ATP2B2: variants seen among roughly 807,000 people sequenced by gnomAD.
ATP2B2 encodes the protein plasma membrane calcium-transporting ATPase 2.
Under a neutral mutation model 120.0 loss-of-function variants are expected in ATP2B2, and 15 were observed. The observed-to-expected ratio is 0.12, with a 90% CI of 0.08 to 0.19. ATP2B2 has a LOEUF of 0.19. ATP2B2 is among the 10% of genes least tolerant of loss of function. ATP2B2 has a pLI of 1.00. For missense variants in ATP2B2, 1,045 were observed against 1,719.8 expected (o/e 0.61, Z 6.94); for synonymous variants, 694 against 700.3 (o/e 0.99, Z 0.14).
intron 16 of ATP2B2, among the ~76,000 whole-genome samples, chr3:10,349,802 G>A (rs532294927): frequency 1.3e-5 from 2 of 152,254 alleles, no homozygotes; most frequent in South Asian, 2.1e-4. Context: ...GCGCTGTACC[G>A]GCCACATAGA....
intron 1 of ATP2B2, among the ~76,000 whole-genome samples, chr3:10,642,188 C>A (rs1435282812): frequency 6.6e-6 from 1 of 152,186 alleles, no homozygotes; most frequent in East Asian, 1.9e-4. Flanking sequence ...GCAAAGTAGT[C>A]AACTTCCCTG....
intron 1 of ATP2B2, among the ~76,000 whole-genome samples, chr3:10,456,052 TAAA>T (rs553708079): frequency 6.6e-6 from 1 of 151,954 alleles, no homozygotes; most frequent in Non-Finnish European, 1.5e-5. Context: ...GGTGCCTTAA[TAAA>T]AAGTCTTTGC....
chr3:10,690,476 C>CTATCTATCTATATATA (rs557043167), intron 1 of ATP2B2, among the ~76,000 whole-genome samples: 3 of 150,452 alleles, frequency 2.0e-5, no homozygotes, highest in Admixed American at 6.6e-5. Flanking sequence ...ATCTATCTAT[C>CTATCTATCTATATATA]TATATATCTC....
chr3:10,503,489 G>A (rs1044914241), intron 1 of ATP2B2, among the ~76,000 whole-genome samples: 2 of 152,238 alleles, frequency 1.3e-5, no homozygotes, highest in Admixed American at 1.3e-4. Context: ...AGGCTGTGGC[G>A]GGCACTTAGG....
At chr3:10,331,455 AC>A (rs1361816972) in intron 22 of ATP2B2, among the ~76,000 whole-genome samples, 1 of 152,076 alleles carries the variant, frequency 6.6e-6, no homozygotes, top group East Asian at 1.9e-4. Context: ...TGGTGGCAGG[AC>A]CCTGTCATGT....
At chr3:10,332,149 C>T (rs979967771) in intron 22 of ATP2B2, 30 of 884,120 alleles carry the variant, frequency 3.4e-5, no homozygotes, top group East Asian at 1.1e-4. Flanking sequence ...GTTACCAAAA[C>T]GCTAATGAGA....
At chr3:10,619,454 G>C (rs1011115378) in intron 2 of ATP2B2, among the ~76,000 whole-genome samples, 1 of 152,206 alleles carries the variant, frequency 6.6e-6, no homozygotes, top group Non-Finnish European at 1.5e-5. Context: ...ATCTGATGGC[G>C]TTAAAAGATA....
At chr3:10,623,677 T>C (rs1305607465) in intron 1 of ATP2B2, among the ~76,000 whole-genome samples, 1 of 152,214 alleles carries the variant, frequency 6.6e-6, no homozygotes, top group Non-Finnish European at 1.5e-5. Flanking sequence ...GAGGTTCCAG[T>C]ATGTACCTGG....
chr3:10,587,744 T>G (rs534721409), intron 2 of ATP2B2, among the ~76,000 whole-genome samples: 91 of 104,614 alleles, frequency 8.7e-4, no homozygotes, highest in Non-Finnish European at 1.2e-3. Flanking sequence ...GTGTTTCTGG[T>G]TTTTTTGTTT....
chr3:10,377,283 G>A (rs2125529317), intron 10 of ATP2B2, among the ~76,000 whole-genome samples: 1 of 152,242 alleles, frequency 6.6e-6, no homozygotes, highest in Middle Eastern at 3.4e-3. Flanking sequence ...CTCCAGCTGC[G>A]GAGCCTCAGA....
In ATP2B2 at chr3:10,494,625, T is replaced by A. The variant is rs375774049; in HGVS notation, c.-320+10840A>T. On this transcript the variant is annotated intron_variant, in intron 1 of 22. Transcript: ENST00000360273. ...CCTCAAGAACACCACAACACACTGC[T>A]CAAAGGACACTAACTGACCAGCACC... Among the ~76,000 whole-genome samples, 31 of 152,274 alleles carry A rather than the reference T, an allele frequency of 2.0e-4. 1 individual carries two copies. The highest frequency in any genetic ancestry group is 5.9e-4 in the Admixed American group (9 of 15,296).
chr3:10,646,518 T>C (rs905356778), intron 1 of ATP2B2, among the ~76,000 whole-genome samples: 4 of 152,056 alleles, frequency 2.6e-5, no homozygotes, highest in Non-Finnish European at 5.9e-5. Flanking sequence ...CTTTTGCTTG[T>C]CATCACTTCC....
intron 2 of ATP2B2, among the ~76,000 whole-genome samples, chr3:10,554,154 C>A (rs1305859531): frequency 6.6e-6 from 1 of 152,134 alleles, no homozygotes; most frequent in Non-Finnish European, 1.5e-5. Flanking sequence ...GCGCTTGACC[C>A]TTTGTAACCC....
chr3:10,426,139 C>G (rs1323653992), intron 2 of ATP2B2, among the ~76,000 whole-genome samples: 1 of 152,162 alleles, frequency 6.6e-6, no homozygotes, highest in African/African-American at 2.4e-5. Flanking sequence ...CCCCCTGCCT[C>G]TGTACCTAAT....
At chr3:10,344,495 C>T (rs2060373450) in intron 18 of ATP2B2, among the ~76,000 whole-genome samples, 1 of 152,260 alleles carries the variant, frequency 6.6e-6, no homozygotes, top group Admixed American at 6.5e-5. Flanking sequence ...CAGCGCCACA[C>T]AGCTCTTGGG....
chr3:10,388,494 C>T lies in ATP2B2; in HGVS notation c.782-92G>A. On this transcript the variant is annotated intron_variant, in intron 5 of 22. Coordinates refer to ENST00000360273, the MANE Select transcript of ATP2B2 (RefSeq NM_001001331.4). ...AAATGTGGTCTCAGTCAGCTCCTGG[C>T]TCTTTGCCTGCAGAGGTCATGGGGC... The T allele has an allele frequency of 3.2e-6, 5 of 1,583,660 alleles. No homozygotes were observed. In the South Asian group the frequency reaches 4.4e-5, roughly 14 times the overall value.
chr3:10,663,027 G>A (rs2070829736), intron 1 of ATP2B2, among the ~76,000 whole-genome samples: 1 of 145,648 alleles, frequency 6.9e-6, no homozygotes, highest in African/African-American at 2.6e-5. Flanking sequence ...TCACTCATAG[G>A]TGGGAATTGA....
At chr3:10,463,451 C>T (rs868684441) in intron 1 of ATP2B2, among the ~76,000 whole-genome samples, 4 of 152,242 alleles carry the variant, frequency 2.6e-5, no homozygotes, top group Non-Finnish European at 4.4e-5. Context: ...TGCTGAGGGC[C>T]GGACACGTGC....
intron 12 of ATP2B2, among the ~76,000 whole-genome samples, chr3:10,367,296 C>T (rs1275508371): frequency 1.3e-5 from 2 of 151,942 alleles, no homozygotes; most frequent in Non-Finnish European, 2.9e-5. Context: ...TTGGTGAATT[C>T]CTCCAGAATT....
Sources: gnomAD v4.1 joint callset for allele counts (sites outside exome capture counted in the v4.1 genomes callset) on GRCh38, gnomAD v4.1.1 for gene constraint, MANE v1.5 for transcripts, NCBI Gene and HGNC (gene_info 2026-07-23, HGNC 2026-07-21) for gene names.